CPNE8: variants seen among roughly 807,000 people sequenced by gnomAD.
CPNE8 encodes the protein copine 8.
Under a neutral mutation model 81.5 loss-of-function variants are expected in CPNE8, and 45 were observed. That is an observed-to-expected ratio of 0.55 (90% CI 0.44 to 0.71). CPNE8 has a LOEUF of 0.71. Among genes scored for constraint, CPNE8 ranks in the 30% least tolerant of loss-of-function variants. The probability of loss-of-function intolerance (pLI) is 0.00; values close to 1 mark genes in which losing one functional copy is unlikely to be tolerated. For synonymous variants in CPNE8, 252 were observed against 226.3 expected (o/e 1.11, Z -1.02); for missense variants, 594 against 672.1 (o/e 0.88, Z 1.28).
intron 6 of CPNE8, among the ~76,000 whole-genome samples, chr12:38,805,854 C>T (rs1322785628): frequency 6.7e-6 from 1 of 149,330 alleles, no homozygotes; most frequent in Admixed American, 6.7e-5. Context: ...TGATAGACCA[C>T]TAGCAAGACT....
intron 3 of CPNE8, among the ~76,000 whole-genome samples, chr12:38,856,019 A>G (rs1053226162): frequency 6.6e-6 from 1 of 152,056 alleles, no homozygotes; most frequent in Non-Finnish European, 1.5e-5. Flanking sequence ...AGAAAACATT[A>G]CAAGTCATGG....
intron 7 of CPNE8, among the ~76,000 whole-genome samples, chr12:38,768,820 A>C (rs1592072866): frequency 6.6e-6 from 1 of 152,060 alleles, no homozygotes; most frequent in South Asian, 2.1e-4. Context: ...TGTGTTTTTT[A>C]ACTGAACAGG....
chr12:38,852,773 G>T (rs987322892), intron 3 of CPNE8, among the ~76,000 whole-genome samples: 3 of 151,666 alleles, frequency 2.0e-5, no homozygotes, highest in Non-Finnish European at 4.4e-5. Flanking sequence ...TATATCAAGG[G>T]TAATATATAG....
chr12:38,710,281 A>AAAAAAG (rs1445901321), intron 13 of CPNE8, among the ~76,000 whole-genome samples: 1 of 149,256 alleles, frequency 6.7e-6, no homozygotes, highest in Non-Finnish European at 1.5e-5. Flanking sequence ...AAAAAAAAAA[A>AAAAAAG]AAAAAAACCA....
intron 6 of CPNE8, among the ~76,000 whole-genome samples, chr12:38,825,739 C>T: frequency 6.6e-6 from 1 of 152,168 alleles, no homozygotes; most frequent in Non-Finnish European, 1.5e-5. Flanking sequence ...TTCATTAAAG[C>T]CAGTCTTTTC....
intron 6 of CPNE8, among the ~76,000 whole-genome samples, chr12:38,785,670 T>A (rs116876769): frequency 6.6e-6 from 1 of 152,312 alleles, no homozygotes; most frequent in Non-Finnish European, 1.5e-5. Flanking sequence ...CTTTCCTTTA[T>A]AATTTACTCA....
chr12:38,887,836 CTACGT>C (rs1239458612), intron 1 of CPNE8, among the ~76,000 whole-genome samples: 2 of 152,174 alleles, frequency 1.3e-5, no homozygotes, highest in Non-Finnish European at 2.9e-5. Flanking sequence ...CATTCCCTAA[CTACGT>C]TACAACACTT....
chr12:38,761,533 A>C (rs1941570724), intron 9 of CPNE8, among the ~76,000 whole-genome samples: 1 of 152,172 alleles, frequency 6.6e-6, no homozygotes, highest in African/African-American at 2.4e-5. Context: ...ATATGGGTTA[A>C]TTAAACTATT....
At chr12:38,832,575 A>G (rs1292280340) in intron 5 of CPNE8, among the ~76,000 whole-genome samples, 1 of 152,216 alleles carries the variant, frequency 6.6e-6, no homozygotes, top group African/African-American at 2.4e-5. Context: ...GTGTAAGGCT[A>G]TAGAAGACCT....
chr12:38,877,017 C>T (rs1297556276), intron 1 of CPNE8, among the ~76,000 whole-genome samples: 1 of 152,100 alleles, frequency 6.6e-6, no homozygotes, highest in Non-Finnish European at 1.5e-5. Flanking sequence ...TAAGCTGGGG[C>T]TCAGAGAAAG....
At chr12:38,798,655 A>G (rs889197717) in intron 6 of CPNE8, among the ~76,000 whole-genome samples, 27 of 152,110 alleles carry the variant, frequency 1.8e-4, no homozygotes, top group Middle Eastern at 3.2e-3. Flanking sequence ...GAGCAAAATA[A>G]CGAGCTAACA....
At chr12:38,779,312 T>G (rs887993167) in intron 6 of CPNE8, among the ~76,000 whole-genome samples, 38 of 152,044 alleles carry the variant, frequency 2.5e-4, no homozygotes, top group African/African-American at 9.2e-4. Context: ...TATGGTTACT[T>G]AGGGCACAAA....
At chr12:38,685,908 C>T (rs146995905) in intron 15 of CPNE8, among the ~76,000 whole-genome samples, 1,959 of 151,894 alleles carry the variant, frequency 0.013, 29 homozygotes, top group Middle Eastern at 0.041. Flanking sequence ...CCACAACAGC[C>T]TAAAATTAAT....
intron 13 of CPNE8, among the ~76,000 whole-genome samples, chr12:38,715,949 A>G (rs1940377638): frequency 6.6e-6 from 1 of 152,120 alleles, no homozygotes; most frequent in African/African-American, 2.4e-5. Flanking sequence ...GTAAAGTCTC[A>G]GGTTACAAAA....
In CPNE8 at chr12:38,730,287, T is replaced by A; in HGVS notation, c.794A>T (p.Tyr265Phe). Residue 265 changes from tyrosine to phenylalanine, a missense_variant, in exon 11 of 20, where the codon TAT (tyrosine) becomes TTT (phenylalanine). Transcript: ENST00000331366. ...LSRGQSQFNV[Y>F]EVVNPKKKGK... ...GTAAAATAAAATGCCTCTTACCTCATATACGTTGAATTGTGACTGCCCTCT... is the reference window on the plus strand; with the variant it reads ...GTAAAATAAAATGCCTCTTACCTCAAATACGTTGAATTGTGACTGCCCTCT... 1 of 1,559,396 alleles carries A rather than the reference T, an allele frequency of 6.4e-7. No individual in the cohort carries two copies. The highest frequency in any genetic ancestry group is 8.8e-7 in the Non-Finnish European group (1 of 1,132,110).
intron 1 of CPNE8, among the ~76,000 whole-genome samples, chr12:38,887,139 A>G (rs1944248305): frequency 6.6e-6 from 1 of 152,166 alleles, no homozygotes; most frequent in African/African-American, 2.4e-5. Context: ...CCTTGTAGCA[A>G]TAGGACATTA....
At chr12:38,739,935 T>C (rs1333245159) in intron 10 of CPNE8, among the ~76,000 whole-genome samples, 1 of 152,154 alleles carries the variant, frequency 6.6e-6, no homozygotes. Context: ...GATAGACTCT[T>C]TCTACATATG....
chr12:38,868,699 A>G (rs368428410), intron 3 of CPNE8, among the ~76,000 whole-genome samples: 20 of 152,114 alleles, frequency 1.3e-4, no homozygotes, highest in African/African-American at 4.8e-4. Context: ...TAGACTAAAT[A>G]TTATCTATTT....
intron 6 of CPNE8, among the ~76,000 whole-genome samples, chr12:38,787,416 C>T (rs1203395452): frequency 6.8e-6 from 1 of 147,086 alleles, no homozygotes; most frequent in Non-Finnish European, 1.5e-5. Context: ...ATAAGGGAAG[C>T]ACAACATATC....
Sources: allele counts gnomAD v4.1 joint callset (sites outside exome capture counted in the v4.1 genomes callset), GRCh38; gene constraint gnomAD v4.1.1; transcripts MANE v1.5; gene names NCBI Gene and HGNC (gene_info 2026-07-23, HGNC 2026-07-21).